The following LYPLAL1 variants were observed in gnomAD, a reference collection of about 807,000 sequenced individuals.
LYPLAL1 encodes lysophospholipase like 1.
LYPLAL1 carries 23 observed loss-of-function variants against 19.7 expected under a neutral mutation model. The ratio of observed to expected loss-of-function variants is 1.17; its 90% confidence interval spans 0.84 to 1.65. The LOEUF (loss-of-function observed/expected upper bound fraction) is 1.65. Ranked by LOEUF, LYPLAL1 falls within the 40% of genes most tolerant of loss-of-function variation. LYPLAL1 has a pLI of 0.00. For missense variants in LYPLAL1, 355 were observed against 279.4 expected, an observed-to-expected ratio of 1.27 and a Z score of -1.93; for synonymous variants, 119 against 96.3, an observed-to-expected ratio of 1.24 and a Z score of -1.38.
chr1:219,342,441 A>G, the LYPLAL1 span, among the ~76,000 whole-genome samples: 1 of 152,196 alleles, frequency 6.6e-6, no homozygotes, highest in East Asian at 1.9e-4. Flanking sequence ...TCACCCTATT[A>G]GGCCCCAAGG....
At chr1:219,208,306 G>A (rs1524631) in intron 3 of LYPLAL1, among the ~76,000 whole-genome samples, 146,810 of 152,170 alleles carry the variant, frequency 0.96, 71,044 homozygotes, top group East Asian at 1. Flanking sequence ...TAAAAGGTTG[G>A]TGGAAAATCT....
At chr1:219,269,208 A>T in the LYPLAL1 span, among the ~76,000 whole-genome samples, 1 of 152,232 alleles carries the variant, frequency 6.6e-6, no homozygotes, top group Non-Finnish European at 1.5e-5. Context: ...TGGGAGAAGG[A>T]TGCAGTGATG....
the LYPLAL1 span, among the ~76,000 whole-genome samples, chr1:219,406,251 C>T: frequency 6.6e-6 from 1 of 152,188 alleles, no homozygotes; most frequent in African/African-American, 2.4e-5. Flanking sequence ...TTTAATGTGA[C>T]AGTTTGCCTC....
At chr1:219,379,233 C>A in the LYPLAL1 span, among the ~76,000 whole-genome samples, 1 of 152,168 alleles carries the variant, frequency 6.6e-6, no homozygotes, top group Admixed American at 6.5e-5. Flanking sequence ...ATTGCTCCAA[C>A]TTGGTTGCTG....
the LYPLAL1 span, among the ~76,000 whole-genome samples, chr1:219,363,596 C>T: frequency 6.6e-6 from 1 of 152,112 alleles, no homozygotes; most frequent in Non-Finnish European, 1.5e-5. Context: ...TGTCCAGTGG[C>T]TTTCCATTTT....
the LYPLAL1 span, among the ~76,000 whole-genome samples, chr1:219,399,846 T>C: frequency 1.3e-5 from 2 of 152,130 alleles, no homozygotes; most frequent in African/African-American, 4.8e-5. Context: ...AAGTCTCCTA[T>C]TGGAGCAAGT....
chr1:219,394,199 TAGATA>T, the LYPLAL1 span, among the ~76,000 whole-genome samples: 2 of 152,200 alleles, frequency 1.3e-5, no homozygotes. Context: ...TAATTTTGTC[TAGATA>T]AAAGTTATTT....
chr1:219,292,730 AG>A, the LYPLAL1 span, among the ~76,000 whole-genome samples: 55 of 152,326 alleles, frequency 3.6e-4, no homozygotes, highest in African/African-American at 1.2e-3. Context: ...TACAATGTCA[AG>A]TAAGGTAGGC....
the LYPLAL1 span, among the ~76,000 whole-genome samples, chr1:219,387,664 C>T: frequency 2.0e-5 from 3 of 152,178 alleles, no homozygotes; most frequent in Admixed American, 1.3e-4. Flanking sequence ...TGAAATGTTG[C>T]TTTAAATTCT....
At chr1:219,181,389 A>G (rs1188622037) in intron 2 of LYPLAL1, among the ~76,000 whole-genome samples, 2 of 152,192 alleles carry the variant, frequency 1.3e-5, no homozygotes, top group Non-Finnish European at 2.9e-5. Context: ...TCCCATATAC[A>G]GTAGATTGGG....
At chr1:219,376,752 C>T in the LYPLAL1 span, among the ~76,000 whole-genome samples, 1 of 152,102 alleles carries the variant, frequency 6.6e-6, no homozygotes, top group Non-Finnish European at 1.5e-5. Flanking sequence ...CAAATCAAAA[C>T]CACAATGAGA....
intron 2 of LYPLAL1, among the ~76,000 whole-genome samples, chr1:219,189,256 A>G (rs1206633840): frequency 6.6e-6 from 1 of 151,748 alleles, no homozygotes; most frequent in African/African-American, 2.4e-5. Context: ...AAACACAGAA[A>G]TAGCAGAGTA....
the LYPLAL1 span, among the ~76,000 whole-genome samples, chr1:219,444,635 C>T: frequency 3.9e-5 from 6 of 152,220 alleles, no homozygotes; most frequent in African/African-American, 1.4e-4. Flanking sequence ...TAGCTGACGT[C>T]TTACCAGTCA....
the LYPLAL1 span, among the ~76,000 whole-genome samples, chr1:219,295,794 T>C: frequency 6.6e-6 from 1 of 152,172 alleles, no homozygotes; most frequent in Non-Finnish European, 1.5e-5. Context: ...AATTTCTCTT[T>C]TGCTTACAGA....
chr1:219,175,134 G>C, intron 1 of LYPLAL1: 1 of 977,686 alleles, frequency 1.0e-6, no homozygotes. Flanking sequence ...GGCCAGACAG[G>C]TTCAGCAGCT....
At chr1:219,206,027 G>T (rs773746648) in intron 3 of LYPLAL1, among the ~76,000 whole-genome samples, 15 of 152,114 alleles carry the variant, frequency 9.9e-5, no homozygotes, top group Non-Finnish European at 1.5e-5. Context: ...AATGGAAGAG[G>T]TGTTGAAATT....
At chr1:219,436,550 T>C in the LYPLAL1 span, among the ~76,000 whole-genome samples, 1 of 151,454 alleles carries the variant, frequency 6.6e-6, no homozygotes, top group Non-Finnish European at 1.5e-5. Context: ...GGGGAAGGAG[T>C]GTGTGCTCTA....
chr1:219,354,009 C>T, the LYPLAL1 span, among the ~76,000 whole-genome samples: 1 of 151,966 alleles, frequency 6.6e-6, no homozygotes. Context: ...AGATTAGACA[C>T]TGAAGAAGTT....
At chr1:219,408,253 G>A in the LYPLAL1 span, among the ~76,000 whole-genome samples, 1 of 152,190 alleles carries the variant, frequency 6.6e-6, no homozygotes, top group African/African-American at 2.4e-5. Flanking sequence ...GATGTTGAGA[G>A]CAATAAAATA....
Sources: allele counts gnomAD v4.1 joint callset (sites outside exome capture counted in the v4.1 genomes callset), GRCh38; gene constraint gnomAD v4.1.1; transcripts MANE v1.5; gene names NCBI Gene and HGNC (gene_info 2026-07-23, HGNC 2026-07-21).